LRBA: variants seen among roughly 807,000 people sequenced by gnomAD.
The protein encoded by LRBA is lipopolysaccharide-responsive and beige-like anchor protein.
LRBA carries 176 observed loss-of-function variants against 330.0 expected under a neutral mutation model. The ratio of observed to expected loss-of-function variants is 0.53; its 90% CI spans 0.47 to 0.60. The LOEUF (loss-of-function observed/expected upper bound fraction) is 0.60, where lower values mean the gene tolerates loss of function less well. LRBA is among the 20% of genes least tolerant of loss of function. The pLI is 0.00. For missense variants in LRBA, 3,259 were observed against 3,444.8 expected, an observed-to-expected ratio of 0.95 and a Z score of 1.35; for synonymous variants, 1,230 against 1,193.0, an observed-to-expected ratio of 1.03 and a Z score of -0.64.
At chr4:150,803,342 G>A (rs1742026884) in intron 33 of LRBA, among the ~76,000 whole-genome samples, 1 of 151,714 alleles carries the variant, frequency 6.6e-6, no homozygotes, top group Non-Finnish European at 1.5e-5. Context: ...AAATATTAAA[G>A]CAAAATAAAG....
chr4:150,862,010 C>A (rs2126961428), intron 22 of LRBA, among the ~76,000 whole-genome samples: 1 of 151,594 alleles, frequency 6.6e-6, no homozygotes, highest in Admixed American at 6.6e-5. Context: ...GAATGGTGAT[C>A]ATTAAAAAAT....
intron 36 of LRBA, among the ~76,000 whole-genome samples, chr4:150,725,692 G>A (rs967385119): frequency 6.6e-6 from 1 of 152,106 alleles, no homozygotes; most frequent in Admixed American, 6.5e-5. Flanking sequence ...GCACAGGATA[G>A]TATTACATTG....
intron 44 of LRBA, among the ~76,000 whole-genome samples, chr4:150,439,272 T>C (rs913571300): frequency 2.6e-5 from 4 of 152,100 alleles, no homozygotes; most frequent in South Asian, 2.1e-4. Flanking sequence ...CCAAAATCAA[T>C]AGTTATAGAA....
At chr4:150,944,137 C>A (rs528483141) in intron 2 of LRBA, among the ~76,000 whole-genome samples, 134 of 152,272 alleles carry the variant, frequency 8.8e-4, no homozygotes, top group Middle Eastern at 3.4e-3. Flanking sequence ...AACTATCTAG[C>A]CAACCTACTC....
intron 36 of LRBA, among the ~76,000 whole-genome samples, chr4:150,703,270 G>C (rs1346583033): frequency 6.6e-6 from 1 of 152,196 alleles, no homozygotes; most frequent in Non-Finnish European, 1.5e-5. Context: ...TTTCTTACTT[G>C]CTGTATCTAC....
Position 150,573,122 on chromosome 4 carries a change from T to C in LRBA, c.6330+14926A>G, listed in dbSNP as rs540093444. Among the ~76,000 whole-genome samples the C allele has an allele frequency of 2.6e-5, 4 of 152,262 alleles. No homozygotes were observed. The East Asian group carries it at 7.7e-4, about 29-fold the overall frequency. ...CTTTTAAGTTTAGGTGAATATGGACTAGCTGAACACACCATTGCCCTCAGC... is the reference window on the plus strand; with the variant it reads ...CTTTTAAGTTTAGGTGAATATGGACCAGCTGAACACACCATTGCCCTCAGC... On this transcript the variant is annotated intron_variant, in intron 40 of 56. Coordinates refer to ENST00000651943, the MANE Select transcript of LRBA (RefSeq NM_001364905.1).
chr4:150,684,275 G>A (rs1220386227), intron 36 of LRBA, among the ~76,000 whole-genome samples: 3 of 152,178 alleles, frequency 2.0e-5, no homozygotes, highest in Admixed American at 6.5e-5. Flanking sequence ...TGAGGCCACT[G>A]CACAGGGCCA....
chr4:150,520,734 T>C (rs929202790), intron 40 of LRBA, among the ~76,000 whole-genome samples: 2 of 152,122 alleles, frequency 1.3e-5, no homozygotes, highest in East Asian at 1.9e-4. Flanking sequence ...CAGCCAACCA[T>C]TGAGTACTCA....
At chr4:150,735,772 C>T (rs1203137284) in intron 35 of LRBA, among the ~76,000 whole-genome samples, 5 of 152,134 alleles carry the variant, frequency 3.3e-5, no homozygotes, top group Admixed American at 6.6e-5. Context: ...AAAAGCTACA[C>T]AGACCTGTCA....
chr4:150,965,836 G>T (rs150273855), intron 2 of LRBA, among the ~76,000 whole-genome samples: 1 of 152,038 alleles, frequency 6.6e-6, no homozygotes, highest in African/African-American at 2.4e-5. Flanking sequence ...GAGCCACTGG[G>T]CCTGACCTAG....
chr4:150,311,502 A>C (rs1731064183), intron 51 of LRBA: 1 of 152,230 alleles, frequency 6.6e-6, no homozygotes, highest in Non-Finnish European at 1.5e-5. Context: ...AAGAAAAAAA[A>C]GTATTCAAAA....
In LRBA at chr4:150,951,313, A is replaced by G. The variant is rs74355484; in HGVS notation, c.217-22248T>C. Reference sequence around the variant, plus strand: ...TTGTATATAACACAGCAATTTTTTAAATCATTTTCATTCATAGTTCTCCAC... The same window carrying G: ...TTGTATATAACACAGCAATTTTTTAGATCATTTTCATTCATAGTTCTCCAC... On this transcript the variant is annotated intron_variant, in intron 2 of 56. Coordinates refer to ENST00000651943, the MANE Select transcript of LRBA (RefSeq NM_001364905.1). Among the ~76,000 whole-genome samples the G allele has an allele frequency of 5.3e-4, 81 of 152,296 alleles. 3 individuals are homozygous for G. The East Asian group carries it at 0.015, about 29-fold the overall frequency.
At chr4:150,949,112 A>C (rs552570641) in intron 2 of LRBA, among the ~76,000 whole-genome samples, 111 of 152,078 alleles carry the variant, frequency 7.3e-4, no homozygotes, top group Non-Finnish European at 1.2e-3. Flanking sequence ...AAATAAATAA[A>C]AACTTATGTT....
chr4:150,669,934 A>T (rs1311251502), intron 37 of LRBA, among the ~76,000 whole-genome samples: 1 of 152,192 alleles, frequency 6.6e-6, no homozygotes, highest in Non-Finnish European at 1.5e-5. Context: ...GCTCTTGTGC[A>T]CTTCTCAGTG....
chr4:150,305,076 G>C (rs895239040), intron 52 of LRBA, among the ~76,000 whole-genome samples: 1 of 152,152 alleles, frequency 6.6e-6, no homozygotes, highest in African/African-American at 2.4e-5. Context: ...AACAATCAGT[G>C]GGTTGTAGGA....
chr4:150,304,700 T>C (rs1730133405), intron 52 of LRBA, among the ~76,000 whole-genome samples: 1 of 152,128 alleles, frequency 6.6e-6, no homozygotes, highest in Non-Finnish European at 1.5e-5. Flanking sequence ...GCAAATTAAA[T>C]GTGAAATATA....
chr4:150,291,727 A>G (rs1292518205), intron 53 of LRBA, among the ~76,000 whole-genome samples: 3 of 144,954 alleles, frequency 2.1e-5, no homozygotes, highest in African/African-American at 7.7e-5. Flanking sequence ...TACTGGGTAT[A>G]TACCCAAAGG....
chr4:150,284,646 C>T (rs950179392), intron 54 of LRBA, among the ~76,000 whole-genome samples: 5 of 152,126 alleles, frequency 3.3e-5, no homozygotes, highest in Non-Finnish European at 7.3e-5. Flanking sequence ...CCCATCTCAC[C>T]TTCCCAAGCA....
intron 2 of LRBA, among the ~76,000 whole-genome samples, chr4:151,011,715 T>C (rs1449787286): frequency 6.6e-6 from 1 of 152,130 alleles, no homozygotes; most frequent in Non-Finnish European, 1.5e-5. Context: ...TCTAATTTTT[T>C]TTTTCAGGGT....
Sources: allele counts gnomAD v4.1 joint callset (sites outside exome capture counted in the v4.1 genomes callset), GRCh38; gene constraint gnomAD v4.1.1; transcripts MANE v1.5; gene names NCBI Gene and HGNC (gene_info 2026-07-23, HGNC 2026-07-21).